The following ADGRL2 variants were observed in gnomAD, a reference collection of about 807,000 sequenced individuals.
ADGRL2 encodes the protein calcium-independent alpha-latrotoxin receptor 2.
ADGRL2 carries 44 observed loss-of-function variants against 157.4 expected under a neutral mutation model. That is an observed-to-expected ratio of 0.28 (90% CI 0.22 to 0.36). The LOEUF is 0.36. ADGRL2 is among the 10% of genes least tolerant of loss of function. The probability of loss-of-function intolerance (pLI) is 1.00; values close to 1 mark genes in which losing one functional copy is unlikely to be tolerated. For synonymous variants in ADGRL2, 585 were observed against 624.7 expected (o/e 0.94, Z 0.95); for missense variants, 1,510 against 1,768.9 (o/e 0.85, Z 2.63).
At chr1:81,620,140 A>T (rs1408853141) in intron 3 of ADGRL2, among the ~76,000 whole-genome samples, 1 of 152,168 alleles carries the variant, frequency 6.6e-6, no homozygotes, top group Non-Finnish European at 1.5e-5. Context: ...AATGTTTTGC[A>T]CCATAGAAGT....
chr1:81,903,812 T>C (rs1042607716), intron 2 of ADGRL2, among the ~76,000 whole-genome samples: 41 of 120,512 alleles, frequency 3.4e-4, no homozygotes, highest in African/African-American at 1.3e-3. Flanking sequence ...ACATTTTATA[T>C]ACACACACAC....
intron 1 of ADGRL2, among the ~76,000 whole-genome samples, chr1:81,317,864 A>G (rs1434813265): frequency 6.6e-6 from 1 of 152,174 alleles, no homozygotes; most frequent in Non-Finnish European, 1.5e-5. Context: ...TTATATGTTT[A>G]TGAAACATGG....
At chr1:81,800,802 A>G (rs2087933634), upstream of ADGRL2, among the ~76,000 whole-genome samples, 1 of 141,410 alleles carries the variant, frequency 7.1e-6, no homozygotes, top group Admixed American at 6.9e-5. Flanking sequence ...TAGCGGTTGA[A>G]TGGGTGTGTT....
chr1:81,397,798 A>G (rs1244698732), intron 1 of ADGRL2, among the ~76,000 whole-genome samples: 1 of 152,216 alleles, frequency 6.6e-6, no homozygotes, highest in African/African-American at 2.4e-5. Context: ...GCTGTTGGAT[A>G]AAAAGTTCTG....
At chr1:81,885,836 A>G (rs963565483) in intron 2 of ADGRL2, among the ~76,000 whole-genome samples, 1 of 152,158 alleles carries the variant, frequency 6.6e-6, no homozygotes, top group Non-Finnish European at 1.5e-5. Context: ...AAATTTGAGC[A>G]CCCTGTTACT....
At position 81,814,579 on chromosome 1, in the gene ADGRL2, T is replaced by C. The variant is rs149254926; in HGVS notation, c.-101+13511T>C. 1.6e-3 allele frequency among the ~76,000 whole-genome samples: 238 copies of C among 151,536 alleles called. 3 individuals are homozygous for C. The highest frequency in any genetic ancestry group is 5.4e-3 in the African/African-American group (226 of 41,520). On this transcript the variant is annotated intron_variant, in intron 1 of 23. Coordinates refer to ENST00000686636, the MANE Select transcript of ADGRL2 (RefSeq NM_001366006.2). ...AAACCTGCATGTTTTAATAACTGTA[T>C]TGGAAAAAAATATTTTAAATTGCTC... is the stretch of plus-strand genomic sequence containing the variant.
At chr1:81,478,219 G>A (rs2078312966) in intron 2 of ADGRL2, among the ~76,000 whole-genome samples, 1 of 152,176 alleles carries the variant, frequency 6.6e-6, no homozygotes, top group Non-Finnish European at 1.5e-5. Flanking sequence ...ACTACAGTGG[G>A]AACATCGGAG....
chr1:81,822,028 C>CTTTT (rs10653806), intron 1 of ADGRL2, among the ~76,000 whole-genome samples: 7,757 of 125,144 alleles, frequency 0.062, 583 homozygotes, highest in South Asian at 0.073. Flanking sequence ...ATATCAGAAA[C>CTTTT]TTTTTTTTTT....
At chr1:81,441,891 G>A (rs770146607) in intron 1 of ADGRL2, among the ~76,000 whole-genome samples, 17 of 152,194 alleles carry the variant, frequency 1.1e-4, no homozygotes, top group East Asian at 1.9e-4. Context: ...CCAGGCTGGC[G>A]TGTGGTGGTG....
chr1:81,935,677 T>G (rs530739808), intron 3 of ADGRL2, among the ~76,000 whole-genome samples: 1 of 152,104 alleles, frequency 6.6e-6, no homozygotes, highest in Admixed American at 6.6e-5. Flanking sequence ...CTTGTTCTGC[T>G]TGATTTGCCT....
intron 11 of ADGRL2, among the ~76,000 whole-genome samples, chr1:81,959,078 T>G (rs1187671455): frequency 6.6e-6 from 1 of 152,162 alleles, no homozygotes; most frequent in Non-Finnish European, 1.5e-5. Flanking sequence ...TGGCTGCCAT[T>G]TTTGGCTGCC....
In ADGRL2 at chr1:81,642,227, G is replaced by A. The variant is rs144277973; in HGVS notation, c.-143+61247G>A. Reference sequence around the variant, plus strand: ...TGTACCACTGCACTCCAGCCTGGGCGACAGAGCGAGACTCTGTCTCCAAAA... The same window carrying A: ...TGTACCACTGCACTCCAGCCTGGGCAACAGAGCGAGACTCTGTCTCCAAAA... On this transcript the variant is annotated intron_variant, in intron 3 of 24. Transcript: ENST00000370721. 4.0e-3 allele frequency among the ~76,000 whole-genome samples: 550 copies of A among 137,810 alleles called. 5 individuals are homozygous for A. The highest frequency in any genetic ancestry group is 0.014 in the African/African-American group (518 of 36,918). 90.4% of individuals were successfully genotyped at this position (137,810 alleles called of 152,430 possible). A position where few individuals can be genotyped will look rare whatever the true frequency, so the allele number is the denominator to read the frequency against.
intron 3 of ADGRL2, among the ~76,000 whole-genome samples, chr1:81,586,905 G>A (rs1439252282): frequency 6.6e-6 from 1 of 152,072 alleles, no homozygotes; most frequent in African/African-American, 2.4e-5. Context: ...GAGCATGAAT[G>A]TATTTGAGTG....
At chr1:81,489,176 G>A (rs2078576373) in intron 2 of ADGRL2, among the ~76,000 whole-genome samples, 1 of 152,080 alleles carries the variant, frequency 6.6e-6, no homozygotes, top group East Asian at 1.9e-4. Context: ...GGTGGAGGTT[G>A]CAGTGAGCTG....
intron 2 of ADGRL2, chr1:81,580,798 C>T (rs946580474): frequency 2.6e-5 from 4 of 152,116 alleles, no homozygotes; most frequent in African/African-American, 9.7e-5. Flanking sequence ...AGTATAATAC[C>T]TAATTTGCCT....
chr1:81,404,272 G>A (rs888598919), intron 1 of ADGRL2, among the ~76,000 whole-genome samples: 12 of 152,196 alleles, frequency 7.9e-5, no homozygotes, highest in South Asian at 2.1e-4. Context: ...TTGAAGCCCC[G>A]GTTATCTTTA....
At chr1:81,695,889 T>C (rs968215072), upstream of ADGRL2, among the ~76,000 whole-genome samples, 1 of 152,078 alleles carries the variant, frequency 6.6e-6, no homozygotes, top group Non-Finnish European at 1.5e-5. Flanking sequence ...TCCTCTGTTG[T>C]GTTCTGGGCT....
At chr1:81,514,803 G>A (rs907839848) in intron 2 of ADGRL2, 10 of 152,062 alleles carry the variant, frequency 6.6e-5, no homozygotes, top group Non-Finnish European at 1.5e-5. Context: ...ATTCTGCATC[G>A]GGCATTAAAT....
chr1:81,604,166 T>C (rs998079302), intron 3 of ADGRL2, among the ~76,000 whole-genome samples: 2 of 152,142 alleles, frequency 1.3e-5, no homozygotes, highest in African/African-American at 4.8e-5. Flanking sequence ...GGTTTCACCA[T>C]GTTGGCCAGG....
Sources: gnomAD v4.1 joint callset for allele counts (sites outside exome capture counted in the v4.1 genomes callset) on GRCh38, gnomAD v4.1.1 for gene constraint, MANE v1.5 for transcripts, NCBI Gene and HGNC (gene_info 2026-07-23, HGNC 2026-07-21) for gene names.